Variants in CDYL observed in about 807,000 individuals in gnomAD.
The protein encoded by CDYL is chromodomain Y like.
A neutral mutation model predicts 47.3 loss-of-function variants in CDYL; 8 were observed. The observed-to-expected ratio is 0.17, with a 90% CI of 0.10 to 0.31. The LOEUF is 0.31. Among genes scored for constraint, CDYL ranks in the 10% least tolerant of loss-of-function variants. The pLI is 1.00. For synonymous variants in CDYL, 266 were observed against 265.0 expected (o/e 1.00, Z -0.04); for missense variants, 471 against 701.4 (o/e 0.67, Z 3.71).
intron 2 of CDYL, among the ~76,000 whole-genome samples, chr6:4,722,854 G>A (rs561411131): frequency 6.6e-6 from 1 of 152,200 alleles, no homozygotes; most frequent in Non-Finnish European, 1.5e-5. Context: ...TCCAGCCTGG[G>A]TGATAAGAGT....
chr6:4,800,311 G>C (rs1233025581), intron 1 of CDYL, among the ~76,000 whole-genome samples: 1 of 151,914 alleles, frequency 6.6e-6, no homozygotes, highest in Admixed American at 6.6e-5. Context: ...ATGCATCTTA[G>C]CTTTTTCTTT....
chr6:4,896,777 A>G (rs1408062209), intron 2 of CDYL, among the ~76,000 whole-genome samples: 1 of 152,216 alleles, frequency 6.6e-6, no homozygotes, highest in Non-Finnish European at 1.5e-5. Context: ...AACTAATTGA[A>G]GTAGATACTG....
intron 1 of CDYL, among the ~76,000 whole-genome samples, chr6:4,852,015 G>C (rs1760843457): frequency 6.6e-6 from 1 of 152,116 alleles, no homozygotes; most frequent in Admixed American, 6.5e-5. Flanking sequence ...TTGGTGGTGT[G>C]TGTAATTTAT....
intron 1 of CDYL, among the ~76,000 whole-genome samples, chr6:4,873,390 A>G (rs537744652): frequency 1.6e-4 from 24 of 152,316 alleles, no homozygotes; most frequent in South Asian, 6.2e-4. Context: ...TTTTATGCAC[A>G]TAGAATTCCC....
chr6:4,908,471 G>A (rs1299201679), intron 2 of CDYL, among the ~76,000 whole-genome samples: 2 of 152,210 alleles, frequency 1.3e-5, no homozygotes, highest in African/African-American at 4.8e-5. Context: ...TAATTTCACT[G>A]TAGTTTGCTC....
At chr6:4,911,348 A>G (rs922737287) in intron 2 of CDYL, among the ~76,000 whole-genome samples, 1 of 152,214 alleles carries the variant, frequency 6.6e-6, no homozygotes, top group African/African-American at 2.4e-5. Context: ...GAGTGTGCTG[A>G]TGAGTCAGAT....
chr6:4,942,916 A>G (rs1417655), intron 4 of CDYL, among the ~76,000 whole-genome samples: 145,667 of 152,302 alleles, frequency 0.96, 69,981 homozygotes, highest in East Asian at 1. Context: ...TCTTGTTTGC[A>G]GGTCGCATGT....
At chr6:4,798,424 T>G (rs1759136007) in intron 1 of CDYL, among the ~76,000 whole-genome samples, 1 of 152,222 alleles carries the variant, frequency 6.6e-6, no homozygotes, top group Non-Finnish European at 1.5e-5. Flanking sequence ...TTAGAGCTGA[T>G]GAAAAGTCTC....
At chr6:4,717,981 G>A (rs990011456) in intron 2 of CDYL, among the ~76,000 whole-genome samples, 7 of 151,792 alleles carry the variant, frequency 4.6e-5, no homozygotes, top group African/African-American at 7.3e-5. Context: ...AGATAGCTGC[G>A]ATTGTAGGCA....
chr6:4,857,058 T>C (rs920818925), intron 1 of CDYL, among the ~76,000 whole-genome samples: 1 of 152,212 alleles, frequency 6.6e-6, no homozygotes, highest in African/African-American at 2.4e-5. Context: ...CTTTCAGTGG[T>C]CATGCGTGGT....
chr6:4,913,142 G>A (rs1254540496), intron 2 of CDYL, among the ~76,000 whole-genome samples: 1 of 152,164 alleles, frequency 6.6e-6, no homozygotes, highest in African/African-American at 2.4e-5. Flanking sequence ...TGGGATCAAA[G>A]CTAACTTGGC....
chr6:4,795,459 T>C (rs767153148), intron 1 of CDYL, among the ~76,000 whole-genome samples: 1 of 152,188 alleles, frequency 6.6e-6, no homozygotes, highest in Non-Finnish European at 1.5e-5. Context: ...TGTTTTTTTC[T>C]GGTTTTGGCT....
chr6:4,787,212 A>G (rs1758778117), intron 1 of CDYL, among the ~76,000 whole-genome samples: 1 of 150,538 alleles, frequency 6.6e-6, no homozygotes, highest in African/African-American at 2.5e-5. Flanking sequence ...TGATTATTTT[A>G]TTAGCACCTT....
intron 1 of CDYL, among the ~76,000 whole-genome samples, chr6:4,803,624 G>T (rs1759286074): frequency 6.6e-6 from 1 of 151,978 alleles, no homozygotes; most frequent in Non-Finnish European, 1.5e-5. Flanking sequence ...CTGTCTGCGT[G>T]GGCTCTAATC....
intron 1 of CDYL, among the ~76,000 whole-genome samples, chr6:4,824,579 G>A (rs933204658): frequency 1.3e-5 from 2 of 152,016 alleles, no homozygotes; most frequent in Non-Finnish European, 2.9e-5. Context: ...TGTCATTGTT[G>A]TTGAGTTTTG....
At chr6:4,834,972 C>T (rs938122480) in intron 1 of CDYL, among the ~76,000 whole-genome samples, 3 of 152,112 alleles carry the variant, frequency 2.0e-5, no homozygotes, top group Admixed American at 1.3e-4. Flanking sequence ...GTTATACATT[C>T]GTCTAAATTT....
chr6:4,917,348 T>G (rs937916803), intron 2 of CDYL, among the ~76,000 whole-genome samples: 1 of 152,220 alleles, frequency 6.6e-6, no homozygotes, highest in African/African-American at 2.4e-5. Flanking sequence ...GTATGTGGCT[T>G]GCTTTTAGGA....
intron 3 of CDYL, among the ~76,000 whole-genome samples, chr6:4,735,938 AAGATCTAC>A (rs1468215189): frequency 1.3e-5 from 2 of 151,858 alleles, no homozygotes; most frequent in Non-Finnish European, 2.9e-5. Context: ...CCTAACAGTT[AAGATCTAC>A]CCTCTTGGTA....
intron 5 of CDYL, among the ~76,000 whole-genome samples, chr6:4,949,317 C>T (rs1295873376): frequency 6.6e-6 from 1 of 152,224 alleles, no homozygotes; most frequent in Non-Finnish European, 1.5e-5. Context: ...CACGCTCACA[C>T]CTTGAGAGCC....
Sources: gnomAD v4.1 joint callset for allele counts (sites outside exome capture counted in the v4.1 genomes callset) on GRCh38, gnomAD v4.1.1 for gene constraint, MANE v1.5 for transcripts, NCBI Gene and HGNC (gene_info 2026-07-23, HGNC 2026-07-21) for gene names.